The following ABCF2 variants were observed in gnomAD, a reference collection of about 807,000 sequenced individuals.
ABCF2 encodes ATP-binding cassette sub-family F member 2.
In ABCF2, 37 loss-of-function variants were observed where a neutral mutation model predicts 76.9. The observed-to-expected ratio is 0.48, with a 90% CI of 0.37 to 0.63. The LOEUF is 0.63. ABCF2 is among the 30% of genes least tolerant of loss of function. The probability of loss-of-function intolerance (pLI) is 0.00; values close to 1 mark genes in which losing one functional copy is unlikely to be tolerated. For missense variants in ABCF2, 524 were observed against 782.1 expected (o/e 0.67, Z 3.94); for synonymous variants, 299 against 283.7 (o/e 1.05, Z -0.54).
Position 151,218,594 on chromosome 7 carries a change from C to T in ABCF2, c.1194G>A (p.Val398=), listed in dbSNP as rs773150864. ...CGKIPPPVIM[V]QNVSFKYTKD... is the part of the protein sequence containing the mutation. ...TTGTATACTTGAAGCTCACATTTTG[C>T]ACCATAATGACAGGTGGAGGGATCT... The change falls in exon 10 of 15, where the codon GTG becomes GTA. Residue 398 remains valine (V), a synonymous_variant. Transcript: ENST00000287844. 3.1e-6 allele frequency: 5 copies of T among 1,614,012 alleles called. No individual in the cohort carries two copies. The highest frequency in any genetic ancestry group is 1.3e-5 in the African/African-American group (1 of 74,916).
rs370499797 is a variant in ABCF2 at position 151,225,034 on chromosome 7, G to C, written c.155-46C>G. On this transcript the variant is annotated intron_variant, in intron 2 of 14. Coordinates refer to ENST00000287844, the MANE Select transcript of ABCF2 (RefSeq NM_007189.3). Reference sequence around the variant, plus strand: ...TGGGAAGATGGCGTGAGACAGACTCGGCTCTCCACAAAGGTCAACGTCCTG... The same window carrying C: ...TGGGAAGATGGCGTGAGACAGACTCCGCTCTCCACAAAGGTCAACGTCCTG... 2,085 of 1,561,278 alleles carry C rather than the reference G, an allele frequency of 1.3e-3. 10 individuals carry two copies. Among genetic ancestry groups the C allele is most frequent in the Non-Finnish European group, 1.2e-3 (1,332 of 1,137,072 alleles).
At position 151,221,582 on chromosome 7, in the gene ABCF2, T is replaced by C; in HGVS notation, c.917A>G (p.Tyr306Cys). The C allele has an allele frequency of 6.3e-7, 1 of 1,580,070 alleles. No individual in the cohort carries two copies. Among genetic ancestry groups the C allele is most frequent in the Non-Finnish European group, 8.7e-7 (1 of 1,149,782 alleles). Residue 306 changes from tyrosine (Y) to cysteine (C), a missense_variant, in exon 7 of 15, where the codon TAT becomes TGT. Physicochemically the swap from Tyr to Cys is radical, Grantham distance 194 (BLOSUM62 -2). Coordinates refer to ENST00000287844, the MANE Select transcript of ABCF2 (RefSeq NM_007189.3). ...AAGAAGCCGAGGCCCACTCACCGTA[T>C]AATACTTCAGTTTCTTGTTGTGCAT... is the stretch of plus-strand genomic sequence containing the variant. Reference protein sequence around the residue: ...IHMHNKKLKYYTGNYDQYVKT... With the variant: ...IHMHNKKLKYCTGNYDQYVKT...
In ABCF2 at chr7:151,211,997, A is replaced by T; in HGVS notation, c.*2057T>A. The T allele has an allele frequency of 1.0e-6, 1 of 971,132 alleles. No individual in the cohort carries two copies. Among genetic ancestry groups the T allele is most frequent in the Non-Finnish European group, 1.2e-6 (1 of 816,964 alleles). 60.2% of individuals were successfully genotyped at this position (971,132 alleles called of 1,614,324 possible). A position where few individuals can be genotyped will look rare whatever the true frequency, so the allele number is the denominator to read the frequency against. On this transcript the variant is annotated 3_prime_UTR_variant, in exon 15 of 15. Transcript: ENST00000287844. ...ATTCCACCTTTCTGGGCAGCTACTC[A>T]CAAGAAATTTCCCTCCTTTTTGAAT...
chr7:151,220,707 G>C (rs770446701), intron 7 of ABCF2, among the ~76,000 whole-genome samples: 9 of 152,166 alleles, frequency 5.9e-5, no homozygotes, highest in African/African-American at 9.7e-5. Flanking sequence ...GCAGAGGGAG[G>C]CCTCGTGTGG....
Position 151,214,805 on chromosome 7 carries a change from C to CT in ABCF2, c.1734+73dup. 1 of 1,443,670 alleles carries CT rather than the reference C, an allele frequency of 6.9e-7. No individual in the cohort carries two copies. Among genetic ancestry groups the CT allele is most frequent in the Non-Finnish European group, 9.7e-7 (1 of 1,030,208 alleles). The allele number at this position is 1,443,670 out of a possible 1,614,324, so 89.4% of individuals were successfully genotyped here. On this transcript the variant is annotated intron_variant, in intron 14 of 14. Transcript: ENST00000287844. This position sits in a 1 kb window ranked among gnomAD's most constrained non-coding sequence, Gnocchi z 4.9. ...ATTCAGTAGGCGGGTATTATGCACC[C>CT]TCCACATGCCATGACTACCCTACCC... is the stretch of plus-strand genomic sequence containing the variant.
chr7:151,217,591 G>A (rs1490470348), intron 11 of ABCF2, among the ~76,000 whole-genome samples: 1 of 152,064 alleles, frequency 6.6e-6, no homozygotes, highest in African/African-American at 2.4e-5. Flanking sequence ...ATGAGGTCAG[G>A]AGTTCAAGAC....
intron 6 of ABCF2, 104 bp from the exon 7 acceptor site, chr7:151,221,784 G>T: frequency 1.2e-6 from 1 of 823,866 alleles, no homozygotes; most frequent in Non-Finnish European, 2.1e-6. Context: ...GCACCTTTTA[G>T]ATGTGTTGTC....
At chr7:151,216,075 C>A in intron 11 of ABCF2, 46 bp from the exon 12 acceptor site, 3 of 1,538,572 alleles carry the variant, frequency 1.9e-6, no homozygotes, top group Non-Finnish European at 2.7e-6. Context: ...AAAGGAAGCC[C>A]AGTTAGAAAC....
At chr7:151,224,303 T>C (rs1434637106) in intron 3 of ABCF2, among the ~76,000 whole-genome samples, 189 bp from the exon 4 acceptor site, 5 of 152,040 alleles carry the variant, frequency 3.3e-5, no homozygotes, top group African/African-American at 1.2e-4. Context: ...CCTCCAATTC[T>C]TGCCCCACCC....
Position 151,214,802 on chromosome 7 carries a change from AC to A in ABCF2, c.1734+76del. On this transcript the variant is annotated intron_variant, in intron 14 of 14. Transcript: ENST00000287844. This position sits in a 1 kb window ranked among gnomAD's most constrained non-coding sequence, Gnocchi z 4.9. ...TTAATTCAGTAGGCGGGTATTATGCACCCTCCACATGCCATGACTACCCTAC... is the reference window on the plus strand; with the variant it reads ...TTAATTCAGTAGGCGGGTATTATGCACCTCCACATGCCATGACTACCCTAC... 7.1e-7 allele frequency: 1 copy of A among 1,407,222 alleles called. No individual in the cohort carries two copies. Among genetic ancestry groups the A allele is most frequent in the African/African-American group, 1.4e-5 (1 of 70,772 alleles). The allele number at this position is 1,407,222 out of a possible 1,614,324, so 87.2% of individuals were successfully genotyped here. A position where few individuals can be genotyped will look rare whatever the true frequency, so the allele number is the denominator to read the frequency against.
At chr7:151,220,055 C>T (rs1039373853) in intron 7 of ABCF2, among the ~76,000 whole-genome samples, 4 of 151,534 alleles carry the variant, frequency 2.6e-5, no homozygotes, top group Non-Finnish European at 5.9e-5. Context: ...GCCAATATCA[C>T]GCCACTGGAC....
Position 151,215,736 on chromosome 7 carries a change from C to G in ABCF2, c.1402-4G>C. ...AGTCCAGCTGCTCTTGTAAATGCTA[C>G]AGGAAAAATGGAAGCCACCCGGGTG... is the stretch of plus-strand genomic sequence containing the variant. On this transcript the variant is annotated splice_polypyrimidine_tract_variant and splice_region_variant and intron_variant, in intron 12 of 14. Coordinates refer to ENST00000287844, the MANE Select transcript of ABCF2 (RefSeq NM_007189.3). The surrounding 1 kb of genome is among the most constrained non-coding windows in gnomAD (Gnocchi z 4.6). 6.2e-7 allele frequency: 1 copy of G among 1,614,082 alleles called. No homozygotes were observed. Among genetic ancestry groups the G allele is most frequent in the Non-Finnish European group, 8.5e-7 (1 of 1,180,020 alleles).
At position 151,213,861 on chromosome 7, in the gene ABCF2, G is replaced by C. The variant is rs564841294; in HGVS notation, c.*193C>G. 1.1e-3 allele frequency: 1,589 copies of C among 1,412,812 alleles called. 9 individuals are homozygous for C. The highest frequency in any genetic ancestry group is 1.3e-3 in the Middle Eastern group (5 of 3,832). 87.5% of individuals were successfully genotyped at this position (1,412,812 alleles called of 1,614,324 possible). ...ACAGATGTAACTGGAAGGAGGACAG[G>C]AAACAGACAGGTACTGTCCAGCTGT... On this transcript the variant is annotated 3_prime_UTR_variant, in exon 15 of 15. Coordinates refer to ENST00000287844, the MANE Select transcript of ABCF2 (RefSeq NM_007189.3).
chr7:151,218,732 A>T, intron 9 of ABCF2, 22 bp downstream of exon 9: 1 of 1,610,714 alleles, frequency 6.2e-7, no homozygotes, highest in Non-Finnish European at 8.5e-7. Context: ...ACCCAATCAC[A>T]CCCCACCCAA....
intron 7 of ABCF2, 102 bp from the exon 8 acceptor site, chr7:151,219,261 C>CACAG: frequency 1.0e-6 from 1 of 982,616 alleles, no homozygotes; most frequent in Non-Finnish European, 1.6e-6. Flanking sequence ...ACTAACTTGG[C>CACAG]CCTGGCTCTA....
At chr7:151,224,196 C>G in intron 3 of ABCF2, 82 bp from the exon 4 acceptor site, 1 of 1,419,252 alleles carries the variant, frequency 7.0e-7, no homozygotes, top group Non-Finnish European at 9.6e-7. Context: ...CCCAGTCAAA[C>G]TGGGACCTCA....
Position 151,212,945 on chromosome 7 carries a change from C to G in ABCF2, c.*1109G>C. ...ACCTGAGCAGGTGGGATTCCAGGCA[C>G]ATAAAGACGGGTTTTGCCATGTTTC... On this transcript the variant is annotated 3_prime_UTR_variant, in exon 15 of 15. Transcript: ENST00000287844. 2.3e-6 allele frequency: 1 copy of G among 426,302 alleles called. No homozygotes were observed. The highest frequency in any genetic ancestry group is 1.6e-4 in the East Asian group (1 of 6,380). 26.4% of individuals were successfully genotyped at this position (426,302 alleles called of 1,614,324 possible). A position where few individuals can be genotyped will look rare whatever the true frequency, so the allele number is the denominator to read the frequency against.
Position 151,214,334 on chromosome 7 carries a change from T to C in ABCF2, c.1735-143A>G. The C allele has an allele frequency of 7.7e-7, 1 of 1,294,052 alleles. No homozygotes were observed. The highest frequency in any genetic ancestry group is 1.3e-5 in the South Asian group (1 of 77,288). The allele number at this position is 1,294,052 out of a possible 1,614,324, so 80.2% of individuals were successfully genotyped here. A position where few individuals can be genotyped will look rare whatever the true frequency, so the allele number is the denominator to read the frequency against. Reference sequence around the variant, plus strand: ...CACTGTCTCACTACTTCTAAGTTATTTGGGATGTTCTAACCCAAGGGTACC... The same window carrying C: ...CACTGTCTCACTACTTCTAAGTTATCTGGGATGTTCTAACCCAAGGGTACC... On this transcript the variant is annotated intron_variant, in intron 14 of 14. Transcript: ENST00000287844. The surrounding 1 kb of genome is among the most constrained non-coding windows in gnomAD (Gnocchi z 4.9).
Position 151,211,700 on chromosome 7 carries a change from G to C in ABCF2, c.*2354C>G. 2 of 985,276 alleles carry C rather than the reference G, an allele frequency of 2.0e-6. No homozygotes were observed. The highest frequency in any genetic ancestry group is 2.4e-6 in the Non-Finnish European group (2 of 829,912). 61.0% of individuals were successfully genotyped at this position (985,276 alleles called of 1,614,324 possible). ...AGTATCAAGGGCTCTGTCCCTCACT[G>C]TCCCCATTATCCCAGCAGCCCACTC... On this transcript the variant is annotated 3_prime_UTR_variant, in exon 15 of 15. Coordinates refer to ENST00000287844, the MANE Select transcript of ABCF2 (RefSeq NM_007189.3).
Sources: allele counts gnomAD v4.1 joint callset (sites outside exome capture counted in the v4.1 genomes callset), GRCh38; gene constraint gnomAD v4.1.1; non-coding constraint Gnocchi (gnomAD v3.1); transcripts MANE v1.5; gene names NCBI Gene and HGNC (gene_info 2026-07-23, HGNC 2026-07-21).